CACNA2D3: variants seen among roughly 807,000 people sequenced by gnomAD.
The protein encoded by CACNA2D3 is voltage-dependent calcium channel subunit alpha-2/delta-3.
Under a neutral mutation model 160.6 loss-of-function variants are expected in CACNA2D3, and 60 were observed. The ratio of observed to expected loss-of-function variants is 0.37; its 90% CI spans 0.30 to 0.46. The LOEUF is 0.46. Among genes scored for constraint, CACNA2D3 ranks in the 20% least tolerant of loss-of-function variants. The pLI is 1.00. For missense variants in CACNA2D3, 1,205 were observed against 1,365.0 expected (o/e 0.88, Z 1.85); for synonymous variants, 558 against 492.9 (o/e 1.13, Z -1.75).
intron 9 of CACNA2D3, among the ~76,000 whole-genome samples, chr3:54,625,245 C>G (rs1032481002): frequency 3.3e-5 from 5 of 152,128 alleles, no homozygotes; most frequent in Admixed American, 2.0e-4. Context: ...AGGTATATGT[C>G]AAGCCCATGG....
rs1702202349 is a variant in CACNA2D3 at position 54,968,495 on chromosome 3, G to A, written c.2495G>A (p.Trp832Ter). The A allele has an allele frequency of 6.2e-7, 1 of 1,609,930 alleles. No individual in the cohort carries two copies. The highest frequency in any genetic ancestry group is 8.5e-7 in the Non-Finnish European group (1 of 1,177,810). Residue 832 changes from tryptophan to a stop codon, truncating the protein, a stop_gained, in exon 28 of 38, where the codon TGG (tryptophan) becomes TAG (stop). Coordinates refer to ENST00000474759, the MANE Select transcript of CACNA2D3 (RefSeq NM_018398.3). LOFTEE classifies it high-confidence loss of function. ...CTTGAATTTTTCCAAAGGAAGTTCT[G>A]GACTGCCAGCAGACAGGTAAGTTAT... ...MKLEFFQRKF[W>*]TASRQCASLD...
chr3:54,687,541 T>C (rs1345682387), intron 11 of CACNA2D3, among the ~76,000 whole-genome samples: 1 of 152,156 alleles, frequency 6.6e-6, no homozygotes, highest in Non-Finnish European at 1.5e-5. Context: ...GAAATTGATC[T>C]TCTGAAAGCT....
chr3:54,586,723 C>T (rs553807612), intron 9 of CACNA2D3, among the ~76,000 whole-genome samples: 40 of 152,240 alleles, frequency 2.6e-4, no homozygotes, highest in African/African-American at 8.4e-4. Flanking sequence ...GCAGAATACA[C>T]GTTCTTCTCA....
chr3:54,500,581 CCTTT>C (rs36133246), intron 4 of CACNA2D3, among the ~76,000 whole-genome samples: 6,002 of 140,312 alleles, frequency 0.043, 173 homozygotes, highest in Non-Finnish European at 0.062. Flanking sequence ...TCTTTTCATT[CCTTT>C]CTTTCTTTCT....
chr3:54,856,562 A>G (rs1001990585), intron 17 of CACNA2D3, among the ~76,000 whole-genome samples: 6 of 152,228 alleles, frequency 3.9e-5, no homozygotes, highest in African/African-American at 1.4e-4. Context: ...ATCTAGTGAT[A>G]AAGCAGATAG....
intron 13 of CACNA2D3, among the ~76,000 whole-genome samples, chr3:54,788,062 C>T (rs756079201): frequency 5.3e-5 from 8 of 152,192 alleles, no homozygotes; most frequent in Non-Finnish European, 1.0e-4. Flanking sequence ...TTTTATACTG[C>T]TCTGTCCCCA....
chr3:54,521,814 C>T (rs549095586), intron 5 of CACNA2D3, among the ~76,000 whole-genome samples: 19 of 152,278 alleles, frequency 1.2e-4, no homozygotes, highest in Admixed American at 1.0e-3. Flanking sequence ...GTTGAAAAGA[C>T]TGTTCTTTCC....
chr3:54,676,737 C>T (rs1700251317), intron 11 of CACNA2D3, among the ~76,000 whole-genome samples: 1 of 152,098 alleles, frequency 6.6e-6, no homozygotes, highest in Non-Finnish European at 1.5e-5. Flanking sequence ...CTGTCAGCTG[C>T]CTGCCAATGA....
At chr3:54,879,220 A>G (rs913453676) in intron 19 of CACNA2D3, 130 bp from the exon 20 acceptor site, 32 of 864,866 alleles carry the variant, frequency 3.7e-5, no homozygotes, top group Non-Finnish European at 4.8e-5. Flanking sequence ...CTTATCTCAA[A>G]CAAGATTCAT....
rs137893337 is a variant in CACNA2D3 at position 54,893,140 on chromosome 3, G to A, written c.2246+1690G>A. 6.6e-3 allele frequency among the ~76,000 whole-genome samples: 1,006 copies of A among 152,254 alleles called. 15 individuals are homozygous for A. The highest frequency in any genetic ancestry group is 0.023 in the African/African-American group (954 of 41,534). On this transcript the variant is annotated intron_variant, in intron 25 of 37. Coordinates refer to ENST00000474759, the MANE Select transcript of CACNA2D3 (RefSeq NM_018398.3). ...AAAATACAAAAATTAGCCGGGCATG[G>A]TGGCACACACCTGTAATCCCAGCTA...
intron 19 of CACNA2D3, 84 bp downstream of exon 19, chr3:54,879,173 AAT>A (rs1461865732): frequency 2.1e-6 from 2 of 975,102 alleles, no homozygotes; most frequent in Non-Finnish European, 3.1e-6. Context: ...ATCTGGAATA[AAT>A]ATCTTTCGCT....
chr3:54,724,857 C>T (rs1258423454), intron 11 of CACNA2D3, among the ~76,000 whole-genome samples: 2 of 151,940 alleles, frequency 1.3e-5, no homozygotes, highest in African/African-American at 2.4e-5. Flanking sequence ...CAAAATTGAA[C>T]TAGAGAAGCA....
chr3:54,870,753 C>A (rs1004682848), intron 17 of CACNA2D3, among the ~76,000 whole-genome samples: 1 of 152,100 alleles, frequency 6.6e-6, no homozygotes, highest in Non-Finnish European at 1.5e-5. Flanking sequence ...ATTCCCAATA[C>A]CCTCATCTAC....
intron 13 of CACNA2D3, among the ~76,000 whole-genome samples, chr3:54,779,771 C>T (rs897912781): frequency 2.0e-4 from 30 of 152,210 alleles, no homozygotes; most frequent in Non-Finnish European, 3.2e-4. Context: ...TGTCCATTGC[C>T]TTTCCATCTC....
intron 2 of CACNA2D3, among the ~76,000 whole-genome samples, chr3:54,292,867 A>G (rs193260419): frequency 1.4e-4 from 22 of 152,310 alleles, no homozygotes; most frequent in African/African-American, 4.6e-4. Flanking sequence ...TGAAATAGAG[A>G]CTGGCACAAC....
At position 54,603,702 on chromosome 3, in the gene CACNA2D3, A is replaced by C. The variant is rs535971487; in HGVS notation, c.963+21825A>C. On this transcript the variant is annotated intron_variant, in intron 9 of 37. Coordinates refer to ENST00000474759, the MANE Select transcript of CACNA2D3 (RefSeq NM_018398.3). ...GCAATGACGCTTTGTCTGTGGAATG[A>C]TGTTTTCTCATGTTTAAAAAGCCCG... 3.3e-5 allele frequency among the ~76,000 whole-genome samples: 5 copies of C among 152,338 alleles called. No individual in the cohort carries two copies. In the South Asian group the frequency reaches 1.0e-3, roughly 32 times the overall value.
At chr3:55,059,044 A>G (rs1005634144) in intron 35 of CACNA2D3, among the ~76,000 whole-genome samples, 2 of 152,198 alleles carry the variant, frequency 1.3e-5, no homozygotes, top group African/African-American at 4.8e-5. Flanking sequence ...AAGATGTCCA[A>G]CCTTTTATAA....
rs538148987 is a variant in CACNA2D3 at position 54,636,404 on chromosome 3, G to A, written c.1054-5724G>A. Reference sequence around the variant, plus strand: ...CGGGCCAGGAACAATGGTAATTGTGGGACTTAACAAAGAGTGAGTACAGCT... The same window carrying A: ...CGGGCCAGGAACAATGGTAATTGTGAGACTTAACAAAGAGTGAGTACAGCT... On this transcript the variant is annotated intron_variant, in intron 10 of 37. Transcript: ENST00000474759. Among the ~76,000 whole-genome samples, 5 of 152,052 alleles carry A rather than the reference G, an allele frequency of 3.3e-5. No individual in the cohort carries two copies. The South Asian group carries it at 1.0e-3, about 32-fold the overall frequency.
chr3:54,750,175 A>G (rs1701831600), intron 11 of CACNA2D3, among the ~76,000 whole-genome samples: 1 of 152,156 alleles, frequency 6.6e-6, no homozygotes, highest in African/African-American at 2.4e-5. Context: ...CTCCAAGAGA[A>G]CTCAGTTTAT....
Sources: allele counts gnomAD v4.1 joint callset (sites outside exome capture counted in the v4.1 genomes callset), GRCh38; gene constraint gnomAD v4.1.1; transcripts MANE v1.5; gene names NCBI Gene and HGNC (gene_info 2026-07-23, HGNC 2026-07-21).